MYO16: variants seen among roughly 807,000 people sequenced by gnomAD.
MYO16 encodes the protein myosin XVI.
MYO16 carries 94 observed loss-of-function variants against 205.3 expected under a neutral mutation model. That is an observed-to-expected ratio of 0.46 (90% CI 0.39 to 0.54). The LOEUF (loss-of-function observed/expected upper bound fraction) is 0.54, where lower values mean the gene tolerates loss of function less well. Among genes scored for constraint, MYO16 ranks in the 20% least tolerant of loss-of-function variants. The probability of loss-of-function intolerance (pLI) is 0.00; values close to 1 mark genes in which losing one functional copy is unlikely to be tolerated. For missense variants in MYO16, 2,315 were observed against 2,387.5 expected (o/e 0.97, Z 0.63); for synonymous variants, 988 against 954.0 (o/e 1.04, Z -0.66).
chr13:108,647,856 C>G (rs926013042), intron 1 of MYO16, among the ~76,000 whole-genome samples: 8 of 152,098 alleles, frequency 5.3e-5, no homozygotes, highest in Non-Finnish European at 2.9e-5. Context: ...TAGCAAATTC[C>G]AAATAATAGA....
intron 9 of MYO16, among the ~76,000 whole-genome samples, chr13:108,830,694 G>A (rs1413597671): frequency 6.6e-6 from 1 of 151,410 alleles, no homozygotes. Context: ...GCACCAGCAT[G>A]GCACATGTAT....
chr13:108,641,633 C>G (rs12428980), intron 1 of MYO16, among the ~76,000 whole-genome samples: 5,326 of 152,272 alleles, frequency 0.035, 137 homozygotes, highest in South Asian at 0.13. Context: ...GTTCATTATT[C>G]TCTACTCTGA....
At chr13:108,945,920 A>G (rs1882921455) in intron 16 of MYO16, among the ~76,000 whole-genome samples, 2 of 152,318 alleles carry the variant, frequency 1.3e-5, no homozygotes, top group African/African-American at 4.8e-5. Flanking sequence ...TTTCTAATTA[A>G]CATGTCAGAA....
At chr13:109,149,632 G>A (rs1877540897) in intron 32 of MYO16, among the ~76,000 whole-genome samples, 1 of 152,312 alleles carries the variant, frequency 6.6e-6, no homozygotes, top group East Asian at 1.9e-4. Flanking sequence ...CATGTGGGAG[G>A]CGGACAGATA....
chr13:108,915,864 A>G (rs1406630474), intron 16 of MYO16, among the ~76,000 whole-genome samples: 1 of 152,164 alleles, frequency 6.6e-6, no homozygotes, highest in Admixed American at 6.5e-5. Context: ...CCATGTGGCC[A>G]TGAAAGGAAA....
At chr13:108,859,923 C>A (rs544424925) in intron 11 of MYO16, among the ~76,000 whole-genome samples, 1 of 152,072 alleles carries the variant, frequency 6.6e-6, no homozygotes, top group South Asian at 2.1e-4. Context: ...AATAAAGCAT[C>A]GCATGACAGC....
chr13:108,607,646 A>G (rs1428821657), intron 1 of MYO16, among the ~76,000 whole-genome samples: 1 of 152,154 alleles, frequency 6.6e-6, no homozygotes, highest in Non-Finnish European at 1.5e-5. Flanking sequence ...CAGCAGGAAA[A>G]TAAACTAATA....
At chr13:108,729,423 G>A (rs186176878) in intron 4 of MYO16, among the ~76,000 whole-genome samples, 3 of 152,266 alleles carry the variant, frequency 2.0e-5, no homozygotes, top group South Asian at 4.2e-4. Context: ...TTTTTTGATA[G>A]TTCAACTAGC....
intron 4 of MYO16, among the ~76,000 whole-genome samples, chr13:108,778,202 G>A (rs952230209): frequency 2.6e-5 from 4 of 152,178 alleles, no homozygotes; most frequent in Admixed American, 2.6e-4. Context: ...CCTCTTTCAA[G>A]GCATTTTTTC....
chr13:108,748,375 TAGC>T (rs1370760336), intron 4 of MYO16, among the ~76,000 whole-genome samples: 1 of 152,050 alleles, frequency 6.6e-6, no homozygotes, highest in Non-Finnish European at 1.5e-5. Flanking sequence ...GAGAAATTTA[TAGC>T]ATTAAATACG....
At chr13:108,976,318 G>T (rs1424129365) in intron 20 of MYO16, among the ~76,000 whole-genome samples, 1 of 151,940 alleles carries the variant, frequency 6.6e-6, no homozygotes, top group African/African-American at 2.4e-5. Context: ...TTAAACATTT[G>T]GAAAAGGACA....
chr13:108,990,153 C>T (rs1289190388), intron 20 of MYO16, among the ~76,000 whole-genome samples: 1 of 77,980 alleles, frequency 1.3e-5, no homozygotes, highest in South Asian at 3.5e-4. Flanking sequence ...ACAATACACA[C>T]ACACACACAC....
At chr13:108,803,579 C>G (rs1219174077) in intron 6 of MYO16, among the ~76,000 whole-genome samples, 1 of 151,990 alleles carries the variant, frequency 6.6e-6, no homozygotes, top group Non-Finnish European at 1.5e-5. Flanking sequence ...ACCAAATGAC[C>G]CTGTTGTCTG....
chr13:109,057,504 G>T (rs1887451236), intron 27 of MYO16, among the ~76,000 whole-genome samples: 1 of 152,026 alleles, frequency 6.6e-6, no homozygotes, highest in Admixed American at 6.6e-5. Context: ...TACTTCTGGG[G>T]GTTGTTTTGG....
At chr13:108,758,874 T>C (rs896507614) in intron 4 of MYO16, among the ~76,000 whole-genome samples, 1 of 152,224 alleles carries the variant, frequency 6.6e-6, no homozygotes, top group Non-Finnish European at 1.5e-5. Flanking sequence ...ACATTCCTGA[T>C]GTATGATTTA....
At chr13:109,050,310 T>A (rs1887203853) in intron 24 of MYO16, among the ~76,000 whole-genome samples, 1 of 152,064 alleles carries the variant, frequency 6.6e-6, no homozygotes, top group South Asian at 2.1e-4. Flanking sequence ...TCGCTCTGTT[T>A]GAGTTTATTT....
chr13:108,790,454 A>G (rs1031222233), intron 5 of MYO16, among the ~76,000 whole-genome samples: 7 of 152,190 alleles, frequency 4.6e-5, no homozygotes, highest in African/African-American at 1.7e-4. Context: ...TTTCTTTCAA[A>G]ATAATAAATC....
At chr13:108,882,200 C>T (rs892113436) in intron 12 of MYO16, among the ~76,000 whole-genome samples, 2 of 152,156 alleles carry the variant, frequency 1.3e-5, no homozygotes, top group South Asian at 4.1e-4. Context: ...TGTAACCTCC[C>T]TACAGTCATC....
intron 10 of MYO16, among the ~76,000 whole-genome samples, chr13:108,851,915 C>T (rs1428410074): frequency 1.3e-5 from 2 of 152,070 alleles, no homozygotes; most frequent in East Asian, 3.9e-4. Context: ...TTTCCAGCTC[C>T]TTCAATATCC....
Sources: allele counts gnomAD v4.1 joint callset (sites outside exome capture counted in the v4.1 genomes callset), GRCh38; gene constraint gnomAD v4.1.1; transcripts MANE v1.5; gene names NCBI Gene and HGNC (gene_info 2026-07-23, HGNC 2026-07-21).